SSBP4: variants seen among roughly 807,000 people sequenced by gnomAD.
The protein encoded by SSBP4 is single-stranded DNA-binding protein 4.
In SSBP4, 33 loss-of-function variants were observed where a neutral mutation model predicts 64.6. The observed-to-expected ratio is 0.51, with a 90% confidence interval of 0.39 to 0.68. SSBP4 has a LOEUF of 0.68. Ranked by LOEUF, SSBP4 falls within the 30% of genes least tolerant of loss-of-function variation. The pLI is 0.00. For synonymous variants in SSBP4, 243 were observed against 224.0 expected (o/e 1.08, Z -0.76); for missense variants, 583 against 566.8 (o/e 1.03, Z -0.29).
the SSBP4 span, among the ~76,000 whole-genome samples, chr19:18,409,269 C>T: frequency 6.6e-6 from 1 of 151,544 alleles, no homozygotes; most frequent in African/African-American, 2.4e-5. Flanking sequence ...TCACTGCAAC[C>T]TCTACCTCCC....
Position 18,431,784 on chromosome 19 carries a change from C to G in SSBP4, c.496-9C>G. ...CCCCACACTCAGTGCCGCCGCACCC[C>G]CTCCGCAGCCTCCCGCAGGCCTCCC... On this transcript the variant is annotated splice_polypyrimidine_tract_variant and intron_variant, in intron 7 of 17. Transcript: ENST00000270061. 6.5e-7 allele frequency: 1 copy of G among 1,549,620 alleles called. No individual in the cohort carries two copies. Among genetic ancestry groups the G allele is most frequent in the Admixed American group, 1.9e-5 (1 of 51,916 alleles).
Position 18,432,088 on chromosome 19 carries a change from G to A in SSBP4, c.636+18G>A, listed in dbSNP as rs1355181349. The A allele has an allele frequency of 1.2e-6, 2 of 1,600,502 alleles. No homozygotes were observed. Among genetic ancestry groups the A allele is most frequent in the South Asian group, 2.2e-5 (2 of 90,046 alleles). On this transcript the variant is annotated intron_variant, in intron 9 of 17. Coordinates refer to ENST00000270061, the MANE Select transcript of SSBP4 (RefSeq NM_032627.5). ...GGCCCCAGGTAAGAGTGGAGCCCTG[G>A]TGGGTGGGGCCTTCGGGCTGTCCCC...
At chr19:18,430,756 C>A in intron 4 of SSBP4, 85 bp from the exon 5 acceptor site, 1 of 1,179,368 alleles carries the variant, frequency 8.5e-7, no homozygotes, top group Non-Finnish European at 1.1e-6. Flanking sequence ...TGGGGCCGGC[C>A]ACCTGCAGAG....
At chr19:18,417,470 A>G (rs1454626765), upstream of SSBP4, among the ~76,000 whole-genome samples, 1 of 152,182 alleles carries the variant, frequency 6.6e-6, no homozygotes, top group African/African-American at 2.4e-5. The surrounding 1 kb of genome is among the most constrained non-coding windows in gnomAD (Gnocchi z 5.4). Flanking sequence ...GTTGTCACCA[A>G]GGCTCTGTGT....
rs1319704975 is a variant in SSBP4 at position 18,423,216 on chromosome 19, C to T, written c.59+3509C>T. Among the ~76,000 whole-genome samples, 2 of 152,174 alleles carry T rather than the reference C, an allele frequency of 1.3e-5. No individual in the cohort carries two copies. The highest frequency in any genetic ancestry group is 2.9e-5 in the Non-Finnish European group (2 of 68,028). ...GAATCACAGCCATGGTTGGTGTTGCCTGGCAGCTCGTGGGTTTCTCCCGGG... is the reference window on the plus strand; with the variant it reads ...GAATCACAGCCATGGTTGGTGTTGCTTGGCAGCTCGTGGGTTTCTCCCGGG... On this transcript the variant is annotated intron_variant, in intron 1 of 17. Transcript: ENST00000270061. This position sits in a 1 kb window ranked among gnomAD's most constrained non-coding sequence, Gnocchi z 4.0.
At chr19:18,414,019 A>AC (rs1972112985), upstream of SSBP4, among the ~76,000 whole-genome samples, 2 of 123,518 alleles carry the variant, frequency 1.6e-5, no homozygotes, top group African/African-American at 4.0e-5. Context: ...TCCATCTCAA[A>AC]AAAACAAACA....
intron 1 of SSBP4, chr19:18,420,048 T>G: frequency 1.3e-5 from 2 of 154,072 alleles, no homozygotes; most frequent in Non-Finnish European, 2.9e-5. Context: ...GCGCGCGAGA[T>G]CCCCGAGCGG....
chr19:18,430,982 T>G (rs1388544688), intron 5 of SSBP4, 52 bp downstream of exon 5: 1 of 1,588,528 alleles, frequency 6.3e-7, no homozygotes, highest in African/African-American at 1.3e-5. Flanking sequence ...GAACATGCGT[T>G]TGAGGGTGGG....
At chr19:18,416,677 C>T (rs1972133133), upstream of SSBP4, among the ~76,000 whole-genome samples, 1 of 152,250 alleles carries the variant, frequency 6.6e-6, no homozygotes. Context: ...GCTCTGCCTC[C>T]AGCGCCTTCG....
At chr19:18,415,423 C>A (rs757331937), upstream of SSBP4, among the ~76,000 whole-genome samples, 1 of 152,220 alleles carries the variant, frequency 6.6e-6, no homozygotes, top group Non-Finnish European at 1.5e-5. Context: ...TGGGCCCCCC[C>A]ACTGCTGTGT....
intron 4 of SSBP4, among the ~76,000 whole-genome samples, 170 bp from the exon 5 acceptor site, chr19:18,430,671 A>G (rs1973285456): frequency 6.6e-6 from 1 of 152,166 alleles, no homozygotes; most frequent in African/African-American, 2.4e-5. Context: ...TGCGTCCTAC[A>G]GGGTCTTCAG....
rs1568354508 is a variant in SSBP4 at position 18,431,670 on chromosome 19, A to G, written c.459A>G (p.Pro153=). ...AGCCCTTCATGTCACCGCGCTTCCC[A>G]GGGGGCCCCCGGCCCACCCTGCGGA... The part of the protein sequence containing the change: ...HGQPFMSPRF[P]GGPRPTLRMP... Residue 153 remains proline (P), a synonymous_variant, in exon 7 of 18, where the codon CCA becomes CCG. Coordinates refer to ENST00000270061, the MANE Select transcript of SSBP4 (RefSeq NM_032627.5). The G allele has an allele frequency of 1.3e-6, 2 of 1,552,938 alleles. No homozygotes were observed. The highest frequency in any genetic ancestry group is 2.4e-5 in the South Asian group (2 of 84,528).
intron 1 of SSBP4, among the ~76,000 whole-genome samples, chr19:18,424,307 G>A (rs1972687603): frequency 6.6e-6 from 1 of 152,214 alleles, no homozygotes; most frequent in Admixed American, 6.5e-5. Flanking sequence ...TCACTGGGGT[G>A]ACTGGGGCCC....
chr19:18,408,948 GA>G, the SSBP4 span, among the ~76,000 whole-genome samples: 5 of 152,036 alleles, frequency 3.3e-5, no homozygotes, highest in Non-Finnish European at 5.9e-5. Flanking sequence ...ATGTAGTGGG[GA>G]CCATGGGTGT....
At position 18,423,255 on chromosome 19, in the gene SSBP4, C is replaced by T. The variant is rs898755132; in HGVS notation, c.59+3548C>T. Among the ~76,000 whole-genome samples, 3 of 152,282 alleles carry T rather than the reference C, an allele frequency of 2.0e-5. No individual in the cohort carries two copies. Among genetic ancestry groups the T allele is most frequent in the Non-Finnish European group, 2.9e-5 (2 of 68,014 alleles). On this transcript the variant is annotated intron_variant, in intron 1 of 17. Coordinates refer to ENST00000270061, the MANE Select transcript of SSBP4 (RefSeq NM_032627.5). This position sits in a 1 kb window ranked among gnomAD's most constrained non-coding sequence, Gnocchi z 4.0. ...GTTTCTCCCGGGCTTGATTTTGAGC[C>T]GGCACATGGATGTCGGTGGCTTGTT...
chr19:18,403,336 T>G, the SSBP4 span, among the ~76,000 whole-genome samples: 2 of 152,226 alleles, frequency 1.3e-5, no homozygotes, highest in Non-Finnish European at 2.9e-5. Context: ...CTTGGTATGC[T>G]GAGCGCCGGT....
chr19:18,428,051 T>TGGGGGGGGCGGGGGGGGGGGGGGGG, intron 4 of SSBP4, 69 bp downstream of exon 4: 8 of 496,536 alleles, frequency 1.6e-5, no homozygotes, highest in African/African-American at 7.1e-5. Flanking sequence ...GCTGGGGAGG[T>TGGGGGGGGCGGGGGGGGGGGGGGGG]GGGGTGGGGG....
intron 1 of SSBP4, among the ~76,000 whole-genome samples, chr19:18,425,600 GGCC>G (rs71762891): frequency 0.052 from 7,846 of 152,258 alleles, 692 homozygotes; most frequent in African/African-American, 0.18. Flanking sequence ...TGGGCCTGCA[GGCC>G]GCCGGGCCAG....
intron 1 of SSBP4, among the ~76,000 whole-genome samples, chr19:18,424,730 G>A (rs1000183561): frequency 6.6e-6 from 1 of 152,006 alleles, no homozygotes; most frequent in Non-Finnish European, 1.5e-5. Flanking sequence ...GATTTCCTTC[G>A]GTGTTTTTTT....
Sources: gnomAD v4.1 joint callset for allele counts (sites outside exome capture counted in the v4.1 genomes callset) on GRCh38, gnomAD v4.1.1 for gene constraint, Gnocchi (gnomAD v3.1) non-coding constraint, MANE v1.5 for transcripts, NCBI Gene and HGNC (gene_info 2026-07-23, HGNC 2026-07-21) for gene names.